The following OTOA variants were observed in gnomAD, a reference collection of about 807,000 sequenced individuals.
OTOA encodes cancer/testis antigen 108.
A neutral mutation model predicts 110.8 loss-of-function variants in OTOA; 70 were observed. The ratio of observed to expected loss-of-function variants is 0.63; its 90% CI spans 0.52 to 0.77. The LOEUF is 0.77. Ranked by LOEUF, OTOA falls within the 30% of genes least tolerant of loss-of-function variation. The probability of loss-of-function intolerance (pLI) is 0.00; values close to 1 mark genes in which losing one functional copy is unlikely to be tolerated. For synonymous variants in OTOA, 373 were observed against 431.5 expected, an observed-to-expected ratio of 0.86 and a Z score of 1.68; for missense variants, 917 against 1,075.8, an observed-to-expected ratio of 0.85 and a Z score of 2.06.
Position 21,715,128 on chromosome 16 carries a change from C to G in OTOA, c.1464C>G (p.Ala488=). Residue 488 remains alanine (A), a synonymous_variant, in exon 14 of 29, where the codon GCC becomes GCG. Coordinates refer to ENST00000646100, the MANE Select transcript of OTOA (RefSeq NM_144672.4). Reference sequence around the variant, plus strand: ...AGTATGTATCCGACTTGTCACCTGCCCAGCAGCAAGGTATCCTCAGCAAGG... The same window carrying G: ...AGTATGTATCCGACTTGTCACCTGCGCAGCAGCAAGGTATCCTCAGCAAGG... ...VSQYVSDLSP[A]QQQGILSKMV... The G allele has an allele frequency of 6.2e-7, 1 of 1,614,170 alleles. No individual in the cohort carries two copies.
At chr16:21,685,047 G>A (rs1897683174) in intron 6 of OTOA, among the ~76,000 whole-genome samples, 183 bp from the exon 7 acceptor site, 1 of 152,062 alleles carries the variant, frequency 6.6e-6, no homozygotes. Flanking sequence ...ACCGCGCCCG[G>A]CCCCTCATTT....
chr16:21,735,380 A>G (rs950301416), intron 21 of OTOA, among the ~76,000 whole-genome samples: 3 of 151,854 alleles, frequency 2.0e-5, no homozygotes, highest in Admixed American at 2.0e-4. Flanking sequence ...CGCACGCACT[A>G]TTGTGAGGAC....
chr16:21,722,686 G>A (rs1048346857), intron 17 of OTOA, among the ~76,000 whole-genome samples: 3 of 152,070 alleles, frequency 2.0e-5, no homozygotes, highest in East Asian at 1.9e-4. Flanking sequence ...GCAAAATTGC[G>A]ATGAGCATTC....
chr16:21,684,262 G>A (rs1302341909), intron 6 of OTOA, among the ~76,000 whole-genome samples: 1 of 152,176 alleles, frequency 6.6e-6, no homozygotes, highest in Non-Finnish European at 1.5e-5. Flanking sequence ...TTTGCATGTG[G>A]CTTGTCTGGG....
chr16:21,735,330 G>A (rs962568768), intron 21 of OTOA, among the ~76,000 whole-genome samples: 24 of 151,766 alleles, frequency 1.6e-4, no homozygotes, highest in Non-Finnish European at 1.9e-4. Context: ...CGTGATGGGG[G>A]AGGTGCTACA....
At chr16:21,683,927 C>G (rs866011622) in intron 6 of OTOA, among the ~76,000 whole-genome samples, 9 of 151,694 alleles carry the variant, frequency 5.9e-5, no homozygotes, top group African/African-American at 2.2e-4. Flanking sequence ...TGCCATCATG[C>G]CTGGCTAATT....
chr16:21,680,482 C>T (rs1966880128), intron 5 of OTOA, among the ~76,000 whole-genome samples: 1 of 152,052 alleles, frequency 6.6e-6, no homozygotes, highest in South Asian at 2.1e-4. Flanking sequence ...CCACTGCACT[C>T]CAGCCTGGGC....
intron 19 of OTOA, among the ~76,000 whole-genome samples, chr16:21,726,907 C>G (rs1413833360): frequency 6.6e-6 from 1 of 151,982 alleles, no homozygotes; most frequent in Non-Finnish European, 1.5e-5. Flanking sequence ...TACCCAGAGA[C>G]TGGGTGCCAG....
chr16:21,758,910 G>A (rs1241630080), intron 28 of OTOA, among the ~76,000 whole-genome samples: 1 of 151,814 alleles, frequency 6.6e-6, no homozygotes, highest in Non-Finnish European at 1.5e-5. Context: ...GCTAAGGCAG[G>A]AGAGTTGCTT....
intron 7 of OTOA, among the ~76,000 whole-genome samples, chr16:21,686,459 T>A (rs1056803715): frequency 7.9e-5 from 12 of 152,010 alleles, no homozygotes; most frequent in African/African-American, 2.2e-4. Flanking sequence ...CAGCTAATTT[T>A]AAAAAATTTA....
intron 11 of OTOA, among the ~76,000 whole-genome samples, chr16:21,702,092 G>A (rs919713885): frequency 1.1e-4 from 17 of 151,664 alleles, no homozygotes; most frequent in Non-Finnish European, 1.9e-4. Context: ...TGGGATTACA[G>A]GCGTGTGCCA....
chr16:21,747,755 G>A (rs1371292672), intron 24 of OTOA: 1 of 148,168 alleles, frequency 6.7e-6, no homozygotes, highest in Non-Finnish European at 1.5e-5. Context: ...GGGTTTCAGT[G>A]GCAAGGACAA....
At chr16:21,734,806 A>G (rs376521226) in intron 21 of OTOA, among the ~76,000 whole-genome samples, 3 of 151,950 alleles carry the variant, frequency 2.0e-5, no homozygotes, top group South Asian at 2.1e-4. Context: ...CCTGCACTCC[A>G]GCCTGGGTGA....
At chr16:21,682,386 T>C in intron 6 of OTOA, among the ~76,000 whole-genome samples, 1 of 152,220 alleles carries the variant, frequency 6.6e-6, no homozygotes, top group Non-Finnish European at 1.5e-5. Context: ...AGTCACATCT[T>C]ACTGCAAAGG....
At chr16:21,679,321 CA>C in intron 5 of OTOA, 110 bp downstream of exon 5, 3 of 1,187,296 alleles carry the variant, frequency 2.5e-6, no homozygotes, top group Non-Finnish European at 3.7e-6. Context: ...CAAAAAATGT[CA>C]ATCAATGCAC....
chr16:21,730,431 T>C (rs1249478146), intron 20 of OTOA: 3 of 265,942 alleles, frequency 1.1e-5, no homozygotes, highest in African/African-American at 6.5e-5. Flanking sequence ...AATTCAGGAA[T>C]GGAATGTAAC....
rs1007400831 is a variant in OTOA, at chr16:21,664,132, G to C, written c.-105G>C. The C allele has an allele frequency of 6.6e-6, 1 of 152,254 alleles. No individual in the cohort carries two copies. The highest frequency in any genetic ancestry group is 2.4e-5 in the African/African-American group (1 of 41,444). 9.4% of individuals were successfully genotyped at this position (152,254 alleles called of 1,614,324 possible). A position where few individuals can be genotyped will look rare whatever the true frequency, so the allele number is the denominator to read the frequency against. On this transcript the variant is annotated 5_prime_UTR_variant, in exon 1 of 29. Transcript: ENST00000646100. ...CAGAGCTGCCGGCTGGCGCCGCCCC[G>C]CCGCTCTCCTGCCTGCCCGCTCCCC... is the stretch of plus-strand genomic sequence containing the variant.
Position 21,721,002 on chromosome 16 carries a change from G to A in OTOA, c.1806+1498G>A, listed in dbSNP as rs143332714. On this transcript the variant is annotated intron_variant, in intron 17 of 28. Coordinates refer to ENST00000646100, the MANE Select transcript of OTOA (RefSeq NM_144672.4). ...GTGGTTCAATCTCACTGCAACCTCC[G>A]CCCCTGGGTTCAAGTGATTCTCCTG... Among the ~76,000 whole-genome samples the A allele has an allele frequency of 6.3e-3, 949 of 150,748 alleles. 9 individuals carry two copies. Among genetic ancestry groups the A allele is most frequent in the African/African-American group, 0.021 (858 of 41,054 alleles).
chr16:21,705,043 G>A, intron 11 of OTOA, 126 bp from the exon 12 acceptor site: 2 of 1,461,236 alleles, frequency 1.4e-6, no homozygotes, highest in Non-Finnish European at 1.9e-6. Context: ...TTCAGGTTAT[G>A]TGACCTTCAA....
Sources: gnomAD v4.1 joint callset for allele counts (sites outside exome capture counted in the v4.1 genomes callset) on GRCh38, gnomAD v4.1.1 for gene constraint, MANE v1.5 for transcripts, NCBI Gene and HGNC (gene_info 2026-07-23, HGNC 2026-07-21) for gene names.